Variants in FBXO46 observed in about 807,000 individuals in gnomAD.
The protein encoded by FBXO46 is F-box only protein 46.
FBXO46 carries 13 observed loss-of-function variants against 30.7 expected under a neutral mutation model. The observed-to-expected ratio is 0.42, with a 90% CI of 0.28 to 0.67. The LOEUF (loss-of-function observed/expected upper bound fraction) is 0.67. FBXO46 is among the 30% of genes least tolerant of loss of function. The pLI is 0.21. For synonymous variants in FBXO46, 467 were observed against 385.8 expected (o/e 1.21, Z -2.47); for missense variants, 754 against 871.5 (o/e 0.87, Z 1.70).
Position 45,711,662 on chromosome 19 carries a change from TCTCCC to T in FBXO46, c.*17_*21del. ...GAGGGGAGGGGTGGGCGTGGTGGGCTCTCCCCTCCCCTCCCCCGGCTTCACCTCCC... is the reference window on the plus strand; with the variant it reads ...GAGGGGAGGGGTGGGCGTGGTGGGCTCTCCCCTCCCCCGGCTTCACCTCCC... On this transcript the variant is annotated 3_prime_UTR_variant, in exon 2 of 2. Coordinates refer to ENST00000317683, the MANE Select transcript of FBXO46 (RefSeq NM_001080469.2). 1 of 1,510,222 alleles carries T rather than the reference TCTCCC, an allele frequency of 6.6e-7. No individual in the cohort carries two copies. Among genetic ancestry groups the T allele is most frequent in the Non-Finnish European group, 8.9e-7 (1 of 1,124,876 alleles). The allele number at this position is 1,510,222 out of a possible 1,614,324, so 93.6% of individuals were successfully genotyped here.
intron 1 of FBXO46, among the ~76,000 whole-genome samples, chr19:45,721,033 A>G (rs1159728223): frequency 6.6e-6 from 1 of 151,332 alleles, no homozygotes; most frequent in Non-Finnish European, 1.5e-5. Flanking sequence ...GAAGCGGGGA[A>G]AAAAACAACA....
chr19:45,712,597 G>C lies in FBXO46; in HGVS notation c.899C>G (p.Ala300Gly), dbSNP rs1430261175. ...TAAGTCACATGTGATCTTGTCCTTG[G>C]CTCGGGCCCCAGGACCTGGGCTGCC... ...YPGSPGPGAR[A>G]KDKITCDLYQ... Residue 300 changes from alanine to glycine, a missense_variant, in exon 2 of 2, where the codon GCC (alanine) becomes GGC (glycine). Ala to Gly is a moderately conservative substitution (Grantham distance 60, BLOSUM62 0). This residue lies in a region of FBXO46 where 454 missense variants were observed against 426.5 expected (regional missense o/e 1.06). Coordinates refer to ENST00000317683, the MANE Select transcript of FBXO46 (RefSeq NM_001080469.2). The surrounding 1 kb of genome is among the most constrained non-coding windows in gnomAD (Gnocchi z 8.8). The C allele has an allele frequency of 6.3e-7, 1 of 1,591,522 alleles. No homozygotes were observed. Among genetic ancestry groups the C allele is most frequent in the South Asian group, 1.1e-5 (1 of 88,136 alleles).
rs561174424 is a variant in FBXO46 at position 45,722,381 on chromosome 19, C to G, written c.-79+8468G>C. On this transcript the variant is annotated intron_variant, in intron 1 of 1. Transcript: ENST00000317683. ...GCAGGTTTTTCAGCCCCATGTGCCT[C>G]AGTTTCCCCCACTGTAAAATGGCAA... Among the ~76,000 whole-genome samples the G allele has an allele frequency of 6.9e-4, 105 of 152,280 alleles. 3 individuals carry two copies. Among genetic ancestry groups the G allele is most frequent in the African/African-American group, 2.4e-3 (99 of 41,574 alleles).
chr19:45,727,492 G>A (rs2146162766), intron 1 of FBXO46, among the ~76,000 whole-genome samples: 1 of 151,824 alleles, frequency 6.6e-6, no homozygotes, highest in South Asian at 2.1e-4. Context: ...CCGGGAGGCG[G>A]AGATTGCAGT....
chr19:45,712,734 T>A lies in FBXO46; in HGVS notation c.762A>T (p.Pro254=). 2 of 1,611,798 alleles carry A rather than the reference T, an allele frequency of 1.2e-6. No individual in the cohort carries two copies. Among genetic ancestry groups the A allele is most frequent in the Non-Finnish European group, 1.7e-6 (2 of 1,178,992 alleles). Residue 254 remains proline (P), a synonymous_variant, in exon 2 of 2, where the codon CCA becomes CCT. Transcript: ENST00000317683. The surrounding 1 kb of genome is among the most constrained non-coding windows in gnomAD (Gnocchi z 8.8). ...KGLRKEERPG[P]GPGEVRIAFR... is the part of the protein sequence containing the mutation. ...AGGCGATGCGCACCTCCCCAGGGCC[T>A]GGCCCGGGCCGCTCTTCCTTGCGGA...
At chr19:45,725,297 C>A (rs1162752927) in intron 1 of FBXO46, among the ~76,000 whole-genome samples, 3 of 151,934 alleles carry the variant, frequency 2.0e-5, no homozygotes, top group African/African-American at 7.3e-5. Flanking sequence ...CCCCTGTAGT[C>A]CCAGCTATTT....
chr19:45,731,004 G>C (rs1209959434), upstream of FBXO46: 3 of 152,284 alleles, frequency 2.0e-5, no homozygotes, highest in African/African-American at 7.2e-5. Context: ...GTCAAGCTTG[G>C]AGGTGGGGTA....
At chr19:45,722,517 C>A (rs554418484) in intron 1 of FBXO46, among the ~76,000 whole-genome samples, 2 of 152,242 alleles carry the variant, frequency 1.3e-5, no homozygotes, top group African/African-American at 4.8e-5. Flanking sequence ...AATCCCAGCA[C>A]TTTGGGAGGC....
Position 45,712,177 on chromosome 19 carries a change from G to A in FBXO46, c.1319C>T (p.Thr440Met), listed in dbSNP as rs1342632534. The A allele has an allele frequency of 6.2e-7, 1 of 1,600,686 alleles. No homozygotes were observed. The highest frequency in any genetic ancestry group is 8.5e-7 in the Non-Finnish European group (1 of 1,174,326). ...CAAGCGGCACAGGGAGGTGTCCGCC[G>A]TGCCCTCGGCATCGTCTGGGCCGGG... Reference protein sequence around the residue: ...TAPGPDDAEGTADTSLCRLYR... With the variant: ...TAPGPDDAEGMADTSLCRLYR... Residue 440 changes from threonine (T) to methionine (M), a missense_variant, in exon 2 of 2, where the codon ACG (threonine) becomes ATG (methionine). Thr to Met is a moderately conservative substitution (Grantham distance 81, BLOSUM62 -1). Transcript: ENST00000317683. The surrounding 1 kb of genome is among the most constrained non-coding windows in gnomAD (Gnocchi z 8.8).
chr19:45,721,238 G>A (rs1027355621), intron 1 of FBXO46, among the ~76,000 whole-genome samples: 2 of 151,736 alleles, frequency 1.3e-5, no homozygotes, highest in Admixed American at 1.3e-4. Flanking sequence ...ACAGCTACTC[G>A]GGAGGCTGAA....
chr19:45,717,127 G>C (rs1017386470), intron 1 of FBXO46: 1 of 151,970 alleles, frequency 6.6e-6, no homozygotes, highest in East Asian at 1.9e-4. Context: ...CTAAACCCAC[G>C]TTAAAACTTC....
rs574560247 is a variant in FBXO46 at position 45,724,645 on chromosome 19, A to G, written c.-79+6204T>C. Among the ~76,000 whole-genome samples the G allele has an allele frequency of 2.6e-5, 4 of 151,320 alleles. No homozygotes were observed. The East Asian group carries it at 7.8e-4, about 30-fold the overall frequency. On this transcript the variant is annotated intron_variant, in intron 1 of 1. Transcript: ENST00000317683. ...AATATAGCAAGACCCTGTCTCTACA[A>G]AAAAAAAATTTCTTATTTTTTCTGT...
rs1354793766 is a variant in FBXO46 at position 45,713,265 on chromosome 19, A to G, written c.231T>C (p.Ala77=). 1 of 1,613,942 alleles carries G rather than the reference A, an allele frequency of 6.2e-7. No homozygotes were observed. Among genetic ancestry groups the G allele is most frequent in the Non-Finnish European group, 8.5e-7 (1 of 1,179,864 alleles). Residue 77 remains alanine, a synonymous_variant, in exon 2 of 2, where the codon GCT becomes GCC. Transcript: ENST00000317683. This position sits in a 1 kb window ranked among gnomAD's most constrained non-coding sequence, Gnocchi z 4.7. Reference sequence around the variant, plus strand: ...GGAGGACTCGACCCTCATCACCAGCAGCTGCTGCTGAGAGGAGCGGAGCCG... The same window carrying G: ...GGAGGACTCGACCCTCATCACCAGCGGCTGCTGCTGAGAGGAGCGGAGCCG... The part of the protein sequence containing the change: ...SQPAPLLSAA[A]AGDEGRVLLD...
At chr19:45,723,550 T>TCCAA (rs1402617520) in intron 1 of FBXO46, 1 of 152,238 alleles carries the variant, frequency 6.6e-6, no homozygotes, top group Non-Finnish European at 1.5e-5. Context: ...TATTTTTGTT[T>TCCAA]TGTTTTGCTT....
intron 1 of FBXO46, among the ~76,000 whole-genome samples, chr19:45,729,763 G>A (rs1229566747): frequency 6.6e-6 from 1 of 152,140 alleles, no homozygotes; most frequent in African/African-American, 2.4e-5. Flanking sequence ...AACAGCTAAG[G>A]ACAGGGCCAG....
chr19:45,730,892 C>G lies in FBXO46; in HGVS notation c.-122G>C, dbSNP rs945358792. 13 of 152,462 alleles carry G rather than the reference C, an allele frequency of 8.5e-5. No individual in the cohort carries two copies. The highest frequency in any genetic ancestry group is 1.8e-4 in the Non-Finnish European group (12 of 68,240). 9.4% of individuals were successfully genotyped at this position (152,462 alleles called of 1,614,324 possible). The stretch of plus-strand genomic sequence containing the variant: ...CTCCCTCGGCTACGCGGGTTTCCCC[C>G]ACTCGCTCCTCTCCAGCCTCCCCTT... On this transcript the variant is annotated 5_prime_UTR_variant, in exon 1 of 2. Coordinates refer to ENST00000317683, the MANE Select transcript of FBXO46 (RefSeq NM_001080469.2).
Position 45,712,816 on chromosome 19 carries a change from A to G in FBXO46, c.680T>C (p.Val227Ala). ...TTCAAAGTGGGCCACGGCCTCGGCT[A>G]CACGGCTGCAGTCCCCACCACCGGA... ...RRSGGGDCSR[V>A]AEAVAHFEAQ... Residue 227 changes from valine to alanine, a missense_variant, in exon 2 of 2, where the codon GTA (valine) becomes GCA (alanine). By Grantham distance (64) the Val-to-Ala change is moderately conservative. Coordinates refer to ENST00000317683, the MANE Select transcript of FBXO46 (RefSeq NM_001080469.2). This position sits in a 1 kb window ranked among gnomAD's most constrained non-coding sequence, Gnocchi z 8.8. 1.2e-6 allele frequency: 2 copies of G among 1,612,778 alleles called. No individual in the cohort carries two copies. Among genetic ancestry groups the G allele is most frequent in the Non-Finnish European group, 1.7e-6 (2 of 1,179,546 alleles).
upstream of FBXO46, among the ~76,000 whole-genome samples, chr19:45,731,671 A>T (rs1968315296): frequency 6.6e-6 from 1 of 151,700 alleles, no homozygotes; most frequent in Non-Finnish European, 1.5e-5. Context: ...CCTTAGGAGG[A>T]AGGAAAGTCC....
intron 1 of FBXO46, among the ~76,000 whole-genome samples, chr19:45,725,792 T>C (rs1968231608): frequency 6.6e-6 from 1 of 152,116 alleles, no homozygotes; most frequent in Non-Finnish European, 1.5e-5. Context: ...ATGAACCCCA[T>C]TTTCCAGATT....
Sources: allele counts gnomAD v4.1 joint callset (sites outside exome capture counted in the v4.1 genomes callset), GRCh38; gene constraint gnomAD v4.1.1; regional missense constraint gnomAD v4.1.1; non-coding constraint Gnocchi (gnomAD v3.1); transcripts MANE v1.5; gene names NCBI Gene and HGNC (gene_info 2026-07-23, HGNC 2026-07-21).